GPATCH2: variants seen among roughly 807,000 people sequenced by gnomAD.
GPATCH2 encodes the protein G patch domain-containing protein 2.
A neutral mutation model predicts 58.0 loss-of-function variants in GPATCH2; 51 were observed. The observed-to-expected ratio is 0.88, with a 90% CI of 0.70 to 1.11. The LOEUF is 1.11. Among genes scored for constraint, GPATCH2 ranks in the 50% most tolerant of loss-of-function variants. GPATCH2 has a pLI of 0.00. For synonymous variants in GPATCH2, 222 were observed against 218.5 expected (o/e 1.02, Z -0.14); for missense variants, 625 against 652.2 (o/e 0.96, Z 0.45).
At chr1:217,595,331 T>C (rs541612763) in intron 5 of GPATCH2, among the ~76,000 whole-genome samples, 106 of 152,280 alleles carry the variant, frequency 7.0e-4, no homozygotes, top group African/African-American at 2.5e-3. Flanking sequence ...ACAGGCAACA[T>C]TGAAAAATTC....
intron 7 of GPATCH2, among the ~76,000 whole-genome samples, chr1:217,496,954 A>AG (rs1390843858): frequency 6.6e-6 from 1 of 152,156 alleles, no homozygotes; most frequent in Non-Finnish European, 1.5e-5. Flanking sequence ...AAAATTGGTC[A>AG]AAAAGATTTA....
intron 5 of GPATCH2, among the ~76,000 whole-genome samples, chr1:217,576,867 G>A (rs559407913): frequency 1.3e-4 from 20 of 152,318 alleles, no homozygotes; most frequent in African/African-American, 1.4e-4. Context: ...TTGACAATGC[G>A]AAGGGGATAA....
chr1:217,473,691 G>A (rs1660841917), intron 8 of GPATCH2, among the ~76,000 whole-genome samples: 1 of 151,934 alleles, frequency 6.6e-6, no homozygotes, highest in South Asian at 2.1e-4. Context: ...CAGAAGTGTA[G>A]AGGGACATAA....
In GPATCH2 at chr1:217,428,289, A is replaced by G. The variant is rs1007617659; in HGVS notation, c.*2856T>C. ...TTTGCTATAAGGCTACAGATACTGT[A>G]GAAGAGTGGCTTCACAAAACAGCAG... is the stretch of plus-strand genomic sequence containing the variant. On this transcript the variant is annotated 3_prime_UTR_variant, in exon 10 of 10. Coordinates refer to ENST00000366935, the MANE Select transcript of GPATCH2 (RefSeq NM_018040.5). 2.6e-5 allele frequency: 4 copies of G among 152,238 alleles called. No homozygotes were observed. Among genetic ancestry groups the G allele is most frequent in the African/African-American group, 9.6e-5 (4 of 41,460 alleles). The allele number at this position is 152,238 out of a possible 1,614,324, so 9.4% of individuals were successfully genotyped here. A position where few individuals can be genotyped will look rare whatever the true frequency, so the allele number is the denominator to read the frequency against.
chr1:217,449,356 A>G lies in GPATCH2; in HGVS notation c.1278-19T>C. On this transcript the variant is annotated intron_variant, in intron 8 of 9. Transcript: ENST00000366935. ...TGTTTGCCTACGAATAATTATCAGA[A>G]AAAACTATTAACAAAGAAGAAAAAA... 2 of 1,402,540 alleles carry G rather than the reference A, an allele frequency of 1.4e-6. No homozygotes were observed. Among genetic ancestry groups the G allele is most frequent in the Non-Finnish European group, 2.0e-6 (2 of 987,596 alleles). 86.9% of individuals were successfully genotyped at this position (1,402,540 alleles called of 1,614,324 possible).
chr1:217,541,918 T>C (rs542269182), intron 5 of GPATCH2, among the ~76,000 whole-genome samples: 1 of 152,212 alleles, frequency 6.6e-6, no homozygotes, highest in South Asian at 2.1e-4. Context: ...ACAAGCTACA[T>C]TTTAGGTATT....
chr1:217,625,835 T>C (rs1669423691), intron 1 of GPATCH2, among the ~76,000 whole-genome samples: 1 of 151,958 alleles, frequency 6.6e-6, no homozygotes, highest in African/African-American at 2.4e-5. Flanking sequence ...AATACAAAAA[T>C]TAGCTGGCCG....
chr1:217,435,587 A>C (rs1406321646), intron 9 of GPATCH2, among the ~76,000 whole-genome samples: 1 of 152,168 alleles, frequency 6.6e-6, no homozygotes, highest in Non-Finnish European at 1.5e-5. Context: ...TGTATTCACA[A>C]GGCATTTATT....
In GPATCH2 at chr1:217,428,895, C is replaced by T. The variant is rs1379708948; in HGVS notation, c.*2250G>A. The T allele has an allele frequency of 3.3e-5, 5 of 152,098 alleles. No individual in the cohort carries two copies. Among genetic ancestry groups the T allele is most frequent in the Admixed American group, 3.3e-4 (5 of 15,274 alleles). The allele number at this position is 152,098 out of a possible 1,614,324, so 9.4% of individuals were successfully genotyped here. A position where few individuals can be genotyped will look rare whatever the true frequency, so the allele number is the denominator to read the frequency against. ...ACTGCAATATTTAATGAAGAAGTTC[C>T]TATACACTAGTCTGGTGTATATACT... is the stretch of plus-strand genomic sequence containing the variant. On this transcript the variant is annotated 3_prime_UTR_variant, in exon 10 of 10. Transcript: ENST00000366935.
chr1:217,604,211 C>A (rs1052653188), intron 5 of GPATCH2, among the ~76,000 whole-genome samples: 1 of 151,560 alleles, frequency 6.6e-6, no homozygotes, highest in African/African-American at 2.4e-5. Context: ...ATTAGCAGTG[C>A]ACAGTGGCAC....
Position 217,564,625 on chromosome 1 carries a change from T to A in GPATCH2, c.1098+45696A>T, listed in dbSNP as rs376804310. On this transcript the variant is annotated intron_variant, in intron 5 of 9. Transcript: ENST00000366935. Reference sequence around the variant, plus strand: ...TTTTCCATTTCAGCTACAACTTTTTTTCTGGTTTATGGCCAAATAATACAG... The same window carrying A: ...TTTTCCATTTCAGCTACAACTTTTTATCTGGTTTATGGCCAAATAATACAG... Among the ~76,000 whole-genome samples the A allele has an allele frequency of 2.6e-5, 4 of 152,320 alleles. No homozygotes were observed. The East Asian group carries it at 5.8e-4, about 22-fold the overall frequency.
chr1:217,546,718 A>G (rs1665072705), intron 5 of GPATCH2, among the ~76,000 whole-genome samples: 1 of 152,260 alleles, frequency 6.6e-6, no homozygotes, highest in Non-Finnish European at 1.5e-5. Flanking sequence ...AGATGCCAAA[A>G]GCAATGGCAA....
At chr1:217,482,351 A>AGGGAGAG (rs1282940206) in intron 8 of GPATCH2, among the ~76,000 whole-genome samples, 1 of 152,220 alleles carries the variant, frequency 6.6e-6, no homozygotes, top group Non-Finnish European at 1.5e-5. Context: ...CACATAAAGC[A>AGGGAGAG]GGGAGAGGGG....
At chr1:217,585,369 T>G (rs918556747) in intron 5 of GPATCH2, among the ~76,000 whole-genome samples, 4 of 152,112 alleles carry the variant, frequency 2.6e-5, no homozygotes, top group Admixed American at 2.0e-4. Flanking sequence ...ACGCCTATAA[T>G]CCCAGCGCTT....
chr1:217,558,844 AG>A (rs1213715589), intron 5 of GPATCH2, among the ~76,000 whole-genome samples: 1 of 152,174 alleles, frequency 6.6e-6, no homozygotes, highest in Non-Finnish European at 1.5e-5. Flanking sequence ...AATGAATCAA[AG>A]TTAAGGCAAA....
At chr1:217,476,715 A>G (rs1571769850) in intron 8 of GPATCH2, among the ~76,000 whole-genome samples, 1 of 152,150 alleles carries the variant, frequency 6.6e-6, no homozygotes. Context: ...CACCAATCCT[A>G]GCGGTCCAAA....
intron 5 of GPATCH2, chr1:217,609,938 C>T: frequency 8.0e-7 from 1 of 1,244,348 alleles, no homozygotes; most frequent in Admixed American, 4.1e-5. Context: ...TTCTATCCAC[C>T]CTGGGCCAAC....
intron 5 of GPATCH2, among the ~76,000 whole-genome samples, chr1:217,526,278 T>C (rs1663901321): frequency 6.6e-6 from 1 of 152,220 alleles, no homozygotes; most frequent in Admixed American, 6.5e-5. Flanking sequence ...TAAAATATTG[T>C]TCTGTACAGG....
At chr1:217,493,977 T>G (rs1396667244) in intron 7 of GPATCH2, among the ~76,000 whole-genome samples, 1 of 152,018 alleles carries the variant, frequency 6.6e-6, no homozygotes, top group Non-Finnish European at 1.5e-5. Context: ...AATAAAAAAT[T>G]TATAGTTTAG....
Sources: gnomAD v4.1 joint callset for allele counts (sites outside exome capture counted in the v4.1 genomes callset) on GRCh38, gnomAD v4.1.1 for gene constraint, MANE v1.5 for transcripts, NCBI Gene and HGNC (gene_info 2026-07-23, HGNC 2026-07-21) for gene names.